C10orf143: variants seen among roughly 807,000 people sequenced by gnomAD.
C10orf143 encodes chromosome 10 open reading frame 143.
At chr10:130,074,956 G>A (rs1169327563) in intron 3 of C10orf143, among the ~76,000 whole-genome samples, 2 of 151,674 alleles carry the variant, frequency 1.3e-5, no homozygotes, top group East Asian at 1.9e-4. Flanking sequence ...CACTACATAT[G>A]TACACAGACA....
chr10:130,093,765 C>A (rs1351192348), intron 1 of C10orf143, among the ~76,000 whole-genome samples: 1 of 152,104 alleles, frequency 6.6e-6, no homozygotes, highest in East Asian at 1.9e-4. Context: ...GTAATCCCAG[C>A]ACTTTGGGAG....
chr10:130,061,953 G>A (rs1300389251), downstream of C10orf143, among the ~76,000 whole-genome samples: 1 of 151,860 alleles, frequency 6.6e-6, no homozygotes, highest in Non-Finnish European at 1.5e-5. Flanking sequence ...TGAAGGCCAG[G>A]ATGGATGCCA....
At chr10:130,050,532 T>C (rs1860725136) in intron 3 of C10orf143, among the ~76,000 whole-genome samples, 1 of 152,180 alleles carries the variant, frequency 6.6e-6, no homozygotes, top group Admixed American at 6.5e-5. Flanking sequence ...CATTCATTCA[T>C]ACATAAATAA....
chr10:130,036,626 G>A (rs926741840), intron 3 of C10orf143, among the ~76,000 whole-genome samples: 4 of 152,184 alleles, frequency 2.6e-5, no homozygotes, highest in Admixed American at 2.0e-4. Flanking sequence ...AGCGTCCTGC[G>A]TTTCAATAGT....
At chr10:130,101,874 A>AAAAAAAAAAAAAAAAC (rs1861561538) in intron 1 of C10orf143, among the ~76,000 whole-genome samples, 2 of 141,288 alleles carry the variant, frequency 1.4e-5, no homozygotes, top group African/African-American at 5.4e-5. Context: ...CCAAAAAAAA[A>AAAAAAAAAAAAAAAAC]AAAAAAAAAA....
intron 1 of C10orf143, among the ~76,000 whole-genome samples, chr10:130,095,514 G>A (rs11017075): frequency 0.14 from 21,244 of 152,106 alleles, 2,760 homozygotes; most frequent in African/African-American, 0.33. Context: ...AACAAAGCTG[G>A]AGGCATCACG....
chr10:130,101,785 G>A (rs768856764), intron 1 of C10orf143, among the ~76,000 whole-genome samples: 6 of 133,040 alleles, frequency 4.5e-5, no homozygotes, highest in Non-Finnish European at 7.7e-5. Flanking sequence ...TCTTGAACCC[G>A]GGAGACAGAG....
At chr10:130,038,362 C>T (rs1202157972) in intron 3 of C10orf143, among the ~76,000 whole-genome samples, 1 of 152,122 alleles carries the variant, frequency 6.6e-6, no homozygotes, top group Admixed American at 6.5e-5. Flanking sequence ...GGCCGTTGTC[C>T]AGGCAAGGCC....
chr10:130,090,447 A>G (rs1861362578), intron 1 of C10orf143, among the ~76,000 whole-genome samples: 1 of 152,126 alleles, frequency 6.6e-6, no homozygotes, highest in African/African-American at 2.4e-5. Flanking sequence ...GGGTGCCTAC[A>G]CCACCAGGGC....
intron 1 of C10orf143, among the ~76,000 whole-genome samples, chr10:130,099,858 A>G (rs1171736): frequency 0.7 from 90,255 of 129,610 alleles, 28,825 homozygotes; most frequent in Admixed American, 0.76. Flanking sequence ...TTTTTTTTTT[A>G]AGATGGACTC....
chr10:130,084,154 C>CA lies in C10orf143; in HGVS notation c.70-4254dup, dbSNP rs1013453430. Reference sequence around the variant, plus strand: ...TAAAACCCCATCTCTACTAAAAATACAAAAAAAAAATTAGCCAGGCGTGGT... The same window carrying CA: ...TAAAACCCCATCTCTACTAAAAATACAAAAAAAAAAATTAGCCAGGCGTGGT... On this transcript the variant is annotated intron_variant, in intron 1 of 3. Coordinates refer to ENST00000637128, the MANE Select transcript of C10orf143 (RefSeq NM_001355042.2). Among the ~76,000 whole-genome samples, 569 of 148,106 alleles carry CA rather than the reference C, an allele frequency of 3.8e-3. 7 individuals are homozygous for CA. Among genetic ancestry groups the CA allele is most frequent in the African/African-American group, 0.01 (409 of 40,518 alleles).
At chr10:130,099,102 A>G (rs1386127834) in intron 1 of C10orf143, among the ~76,000 whole-genome samples, 3 of 151,886 alleles carry the variant, frequency 2.0e-5, no homozygotes, top group Non-Finnish European at 4.4e-5. Context: ...AAAAAAAAGA[A>G]AAAAGAAATG....
chr10:130,097,771 T>G (rs1018215737), intron 1 of C10orf143, among the ~76,000 whole-genome samples: 2 of 152,104 alleles, frequency 1.3e-5, no homozygotes, highest in African/African-American at 2.4e-5. Flanking sequence ...GGATGAACCT[T>G]GAAAACATGA....
downstream of C10orf143, among the ~76,000 whole-genome samples, chr10:130,063,170 C>CG (rs1172634593): frequency 6.6e-6 from 1 of 152,156 alleles, no homozygotes; most frequent in Non-Finnish European, 1.5e-5. Context: ...GCTGGAGGGA[C>CG]GCGTGCCACG....
chr10:130,040,115 A>G (rs1313288632), intron 3 of C10orf143, among the ~76,000 whole-genome samples: 1 of 152,052 alleles, frequency 6.6e-6, no homozygotes, highest in Non-Finnish European at 1.5e-5. Context: ...CTGGGGTGGG[A>G]GTCATCTGAG....
chr10:130,090,483 C>A (rs954317120), intron 1 of C10orf143, among the ~76,000 whole-genome samples: 3 of 152,122 alleles, frequency 2.0e-5, no homozygotes, highest in Non-Finnish European at 4.4e-5. Flanking sequence ...CAAAACTGGG[C>A]GGCCATTTGG....
intron 1 of C10orf143, among the ~76,000 whole-genome samples, chr10:130,086,165 A>G (rs1590025421): frequency 6.6e-6 from 1 of 152,330 alleles, no homozygotes; most frequent in Non-Finnish European, 1.5e-5. Context: ...GTGTTTGCAC[A>G]GGAGAAACCC....
chr10:130,099,226 A>C (rs568210319), intron 1 of C10orf143, among the ~76,000 whole-genome samples: 1 of 152,360 alleles, frequency 6.6e-6, no homozygotes, highest in South Asian at 2.1e-4. Flanking sequence ...GAATCTCATT[A>C]AACTGAGTAT....
At chr10:130,055,952 T>TAAAAAAAAAAAAAAAAAAAA (rs369284797) in intron 3 of C10orf143, among the ~76,000 whole-genome samples, 5 of 65,856 alleles carry the variant, frequency 7.6e-5, no homozygotes, top group Non-Finnish European at 1.3e-4. Flanking sequence ...TCTCCAAAAG[T>TAAAAAAAAAAAAAAAAAAAA]AAAAAAAAAA....
Sources: allele counts gnomAD v4.1 joint callset (sites outside exome capture counted in the v4.1 genomes callset), GRCh38; gene constraint gnomAD v4.1.1; transcripts MANE v1.5; gene names NCBI Gene and HGNC (gene_info 2026-07-23, HGNC 2026-07-21).